AFDN: variants seen among roughly 807,000 people sequenced by gnomAD.
The protein encoded by AFDN is afadin, adherens junction formation factor.
AFDN carries 68 observed loss-of-function variants against 216.6 expected under a neutral mutation model. The ratio of observed to expected loss-of-function variants is 0.31; its 90% CI spans 0.26 to 0.38. The LOEUF is 0.38. Ranked by LOEUF, AFDN falls within the 10% of genes least tolerant of loss-of-function variation. AFDN has a pLI of 1.00. For missense variants in AFDN, 2,136 were observed against 2,342.0 expected, an observed-to-expected ratio of 0.91 and a Z score of 1.82; for synonymous variants, 868 against 853.7, an observed-to-expected ratio of 1.02 and a Z score of -0.29.
chr6:167,958,924 G>A (rs1484527364), intron 30 of AFDN, among the ~76,000 whole-genome samples: 1 of 152,226 alleles, frequency 6.6e-6, no homozygotes, highest in Non-Finnish European at 1.5e-5. Context: ...AATGGGCCCT[G>A]CCCAGAATAT....
intron 9 of AFDN, among the ~76,000 whole-genome samples, chr6:167,895,922 C>T (rs1788183070): frequency 6.6e-6 from 1 of 152,204 alleles, no homozygotes; most frequent in African/African-American, 2.4e-5. Context: ...ACTAGACTGA[C>T]TGCCATGGCT....
chr6:167,916,345 A>C (rs1791063757), intron 19 of AFDN, among the ~76,000 whole-genome samples: 1 of 152,210 alleles, frequency 6.6e-6, no homozygotes, highest in Non-Finnish European at 1.5e-5. Flanking sequence ...ACTCTTGAGG[A>C]CTGAGGGTTA....
chr6:167,855,961 A>G (rs543347256), intron 1 of AFDN, among the ~76,000 whole-genome samples: 2 of 152,290 alleles, frequency 1.3e-5, no homozygotes, highest in African/African-American at 4.8e-5. Context: ...AGAACATACG[A>G]AATGGAAAAT....
chr6:167,882,221 A>G (rs1297008934), intron 6 of AFDN, among the ~76,000 whole-genome samples: 1 of 152,184 alleles, frequency 6.6e-6, no homozygotes, highest in Non-Finnish European at 1.5e-5. Context: ...TAAAAAATAT[A>G]TAAAGTAAAT....
chr6:167,870,839 C>A (rs1196175735), intron 3 of AFDN, among the ~76,000 whole-genome samples: 1 of 151,732 alleles, frequency 6.6e-6, no homozygotes, highest in Non-Finnish European at 1.5e-5. Flanking sequence ...GGGAAAATAA[C>A]GCTTTTATAT....
chr6:167,914,548 A>G, intron 17 of AFDN, 96 bp from the exon 18 acceptor site: 1 of 979,036 alleles, frequency 1.0e-6, no homozygotes, highest in East Asian at 2.6e-5. Flanking sequence ...AATGGAAAAT[A>G]TTTTTTAAGA....
chr6:167,830,911 T>A (rs924258847), intron 1 of AFDN, among the ~76,000 whole-genome samples: 8 of 142,954 alleles, frequency 5.6e-5, no homozygotes, highest in African/African-American at 2.0e-4. Context: ...TGCTTTATCA[T>A]ACAACTGAAC....
At chr6:167,916,874 T>C (rs796834873) in intron 19 of AFDN, among the ~76,000 whole-genome samples, 6 of 152,288 alleles carry the variant, frequency 3.9e-5, no homozygotes, top group African/African-American at 1.4e-4. Flanking sequence ...GTCATAAAAT[T>C]AAGAGGGCAT....
chr6:167,830,899 T>C (rs978791812), intron 1 of AFDN, among the ~76,000 whole-genome samples: 8 of 151,658 alleles, frequency 5.3e-5, no homozygotes, highest in African/African-American at 1.9e-4. Flanking sequence ...AGCTTGTGAC[T>C]ATGCTTTATC....
rs1460038045 is a variant in AFDN, at chr6:167,922,892, G to A, written c.2945G>A (p.Gly982Asp). Residue 982 changes from glycine to aspartate, a missense_variant, in exon 22 of 34, where the codon GGT becomes GAT. Gly to Asp is a moderately conservative substitution (Grantham distance 94, BLOSUM62 -1). Coordinates refer to ENST00000683244, the MANE Select transcript of AFDN (RefSeq NM_001386888.1). Reference protein sequence around the residue: ...CRLIPHTRSPGTWTIYFEGAD... With the variant: ...CRLIPHTRSPDTWTIYFEGAD... ...TTAATTCCTCACACACGTTCACCAGGTACTTGGACAATATATTTTGAAGGT... is the reference window on the plus strand; with the variant it reads ...TTAATTCCTCACACACGTTCACCAGATACTTGGACAATATATTTTGAAGGT... 1.2e-6 allele frequency: 2 copies of A among 1,612,994 alleles called. No homozygotes were observed. Among genetic ancestry groups the A allele is most frequent in the Non-Finnish European group, 8.5e-7 (1 of 1,179,560 alleles).
At chr6:167,968,793 C>T (rs1004228271) in intron 32 of AFDN, 15 of 281,120 alleles carry the variant, frequency 5.3e-5, no homozygotes, top group East Asian at 1.3e-4. Context: ...CAAATGTTGC[C>T]GATGGGTTGA....
rs1790334136 is a variant in AFDN at position 167,911,137 on chromosome 6, T to C, written c.1806T>C (p.Pro602=). 4 of 1,613,992 alleles carry C rather than the reference T, an allele frequency of 2.5e-6. No homozygotes were observed. Among genetic ancestry groups the C allele is most frequent in the Non-Finnish European group, 3.4e-6 (4 of 1,179,936 alleles). Residue 602 remains proline (P), a synonymous_variant, in exon 14 of 34, where the codon CCT becomes CCC. Coordinates refer to ENST00000683244, the MANE Select transcript of AFDN (RefSeq NM_001386888.1). ...CTTCTGGGCCTGAGCTGATACTACC[T>C]GCAAGCATTGAATTCAGGGAAAGTT... ...QDASGPELIL[P]ASIEFRESSE...
chr6:167,963,155 T>C (rs1334044700), intron 31 of AFDN: 9 of 1,066,002 alleles, frequency 8.4e-6, no homozygotes, highest in African/African-American at 6.5e-5. Flanking sequence ...ACCCTTTTAA[T>C]TGAATTTTAA....
Position 167,914,279 on chromosome 6 carries a change from G to C in AFDN, c.2170G>C (p.Asp724His). 6.2e-7 allele frequency: 1 copy of C among 1,614,120 alleles called. No individual in the cohort carries two copies. The change falls in exon 17 of 34, where the codon GAT becomes CAT. Residue 724 changes from aspartate (D) to histidine (H), a missense_variant. Coordinates refer to ENST00000683244, the MANE Select transcript of AFDN (RefSeq NM_001386888.1). The part of the protein sequence containing the change: ...DLSRITLDAQ[D>H]VLAHLVQMAF... ...TAGTCGGATCACACTGGATGCTCAA[G>C]ATGTTTTAGCACATTTGGTTCAAAT...
intron 23 of AFDN, among the ~76,000 whole-genome samples, chr6:167,927,856 A>T (rs1243861913): frequency 2.6e-5 from 4 of 152,230 alleles, no homozygotes; most frequent in Admixed American, 6.5e-5. Flanking sequence ...ACTGTCAGCC[A>T]TAGAGCTATG....
chr6:167,903,569 G>A (rs1398412935), intron 12 of AFDN, among the ~76,000 whole-genome samples: 1 of 152,196 alleles, frequency 6.6e-6, no homozygotes, highest in Non-Finnish European at 1.5e-5. Context: ...ACTACTCAAG[G>A]TGTGATTTAT....
intron 27 of AFDN, 95 bp from the exon 28 acceptor site, chr6:167,947,758 T>C (rs1409187368): frequency 4.2e-6 from 3 of 721,278 alleles, no homozygotes; most frequent in Non-Finnish European, 7.0e-6. Context: ...TCACTAGCAG[T>C]ATGAAGATGA....
chr6:167,840,672 A>G (rs569958200), intron 1 of AFDN, among the ~76,000 whole-genome samples: 3 of 152,180 alleles, frequency 2.0e-5, no homozygotes, highest in Non-Finnish European at 4.4e-5. Flanking sequence ...GAAGAGTACT[A>G]TATGTGTGTC....
Position 167,896,888 on chromosome 6 carries a change from C to G in AFDN, c.1233C>G (p.Asp411Glu), listed in dbSNP as rs1162469825. The G allele has an allele frequency of 1.6e-5, 26 of 1,611,172 alleles. No individual in the cohort carries two copies. Among genetic ancestry groups the G allele is most frequent in the Non-Finnish European group, 2.2e-5 (26 of 1,177,442 alleles). Residue 411 changes from aspartate (D) to glutamate (E), a missense_variant, in exon 10 of 34, where the codon GAC becomes GAG. Asp to Glu is a conservative substitution (Grantham distance 45, BLOSUM62 2). Transcript: ENST00000683244. Reference sequence around the variant, plus strand: ...CTTCTCTTCTCACAGATGGTTCTGACTCTAGAGATAAGCCAAAGCTTTACC... The same window carrying G: ...CTTCTCTTCTCACAGATGGTTCTGAGTCTAGAGATAAGCCAAAGCTTTACC... ...YNYHTYEDGS[D>E]SRDKPKLYRL...
Sources: gnomAD v4.1 joint callset for allele counts (sites outside exome capture counted in the v4.1 genomes callset) on GRCh38, gnomAD v4.1.1 for gene constraint, MANE v1.5 for transcripts, NCBI Gene and HGNC (gene_info 2026-07-23, HGNC 2026-07-21) for gene names.